The following ITSN2 variants were observed in gnomAD, a reference collection of about 807,000 sequenced individuals.
ITSN2 encodes intersectin 2.
In ITSN2, 156 loss-of-function variants were observed where a neutral mutation model predicts 243.7. That is an observed-to-expected ratio of 0.64 (90% CI 0.56 to 0.73). The LOEUF (loss-of-function observed/expected upper bound fraction) is 0.73, where lower values mean the gene tolerates loss of function less well. Among genes scored for constraint, ITSN2 ranks in the 30% least tolerant of loss-of-function variants. The pLI, the probability that ITSN2 is intolerant of heterozygous loss-of-function variation, is 0.00. For missense variants in ITSN2, 1,801 were observed against 1,996.1 expected (o/e 0.90, Z 1.86); for synonymous variants, 703 against 699.9 (o/e 1.00, Z -0.07).
At chr2:24,208,841 C>A (rs769702215) in intron 36 of ITSN2, among the ~76,000 whole-genome samples, 2 of 152,202 alleles carry the variant, frequency 1.3e-5, no homozygotes, top group African/African-American at 2.4e-5. Flanking sequence ...GGGACTGTAG[C>A]AGGGCCTCAG....
At chr2:24,223,438 G>T (rs1214921075) in intron 29 of ITSN2, among the ~76,000 whole-genome samples, 1 of 152,006 alleles carries the variant, frequency 6.6e-6, no homozygotes, top group African/African-American at 2.4e-5. Context: ...CAGCACTGTG[G>T]GAGGCTGAGG....
chr2:24,296,189 T>C (rs1680939172), intron 13 of ITSN2, among the ~76,000 whole-genome samples: 2 of 152,220 alleles, frequency 1.3e-5, no homozygotes, highest in South Asian at 4.1e-4. Flanking sequence ...GAACTTCTAT[T>C]TCTACCCTAA....
Position 24,204,629 on chromosome 2 carries a change from C to T in ITSN2, c.4763-211G>A, listed in dbSNP as rs756867028. On this transcript the variant is annotated intron_variant, in intron 38 of 39. Coordinates refer to ENST00000355123, the MANE Select transcript of ITSN2 (RefSeq NM_006277.3). This position sits in a 1 kb window ranked among gnomAD's most constrained non-coding sequence, Gnocchi z 5.1. The stretch of plus-strand genomic sequence containing the variant: ...ACAGCAGCATTAACTGGGGAGTGGC[C>T]GAGAGCTCCACCGCCAGGACCACTC... The T allele has an allele frequency of 3.8e-5, 25 of 652,720 alleles. No individual in the cohort carries two copies. In the African/African-American group the frequency reaches 4.3e-4, roughly 11 times the overall value. 40.4% of individuals were successfully genotyped at this position (652,720 alleles called of 1,614,324 possible).
intron 2 of ITSN2, among the ~76,000 whole-genome samples, chr2:24,324,119 C>G (rs934102259): frequency 1.1e-4 from 17 of 152,110 alleles, no homozygotes; most frequent in African/African-American, 4.1e-4. Context: ...GTAGTCCCAG[C>G]TACTCGGGAG....
intron 1 of ITSN2, among the ~76,000 whole-genome samples, chr2:24,331,829 G>C (rs1181360051): frequency 3.9e-5 from 6 of 152,160 alleles, no homozygotes; most frequent in African/African-American, 7.2e-5. Context: ...GGGTCGGCTG[G>C]GAAAAGTTGT....
chr2:24,307,608 T>C (rs1024348576), intron 8 of ITSN2, among the ~76,000 whole-genome samples: 2 of 152,240 alleles, frequency 1.3e-5, no homozygotes, highest in African/African-American at 4.8e-5. Context: ...GAATTTTGTA[T>C]GCATAATTCC....
intron 20 of ITSN2, among the ~76,000 whole-genome samples, chr2:24,262,875 T>A (rs529215028): frequency 6.6e-6 from 1 of 152,248 alleles, no homozygotes; most frequent in South Asian, 2.1e-4. Flanking sequence ...AAAAATTTAG[T>A]CATTCTAAAT....
chr2:24,221,406 C>T, intron 29 of ITSN2: 1 of 216,132 alleles, frequency 4.6e-6, no homozygotes, highest in Non-Finnish European at 9.1e-6. Context: ...ATGCTTCAGA[C>T]CACTCCAAAC....
intron 2 of ITSN2, among the ~76,000 whole-genome samples, chr2:24,316,442 C>T (rs1175509398): frequency 6.6e-6 from 1 of 152,036 alleles, no homozygotes; most frequent in African/African-American, 2.4e-5. Flanking sequence ...CACCACACAC[C>T]CGGCTAATTT....
chr2:24,357,495 G>A (rs951935199), intron 1 of ITSN2, among the ~76,000 whole-genome samples: 6 of 151,992 alleles, frequency 3.9e-5, no homozygotes, highest in African/African-American at 1.5e-4. Flanking sequence ...TGAGGGAAGG[G>A]GACTTAGAGG....
At chr2:24,277,432 A>G (rs546428712) in intron 17 of ITSN2, among the ~76,000 whole-genome samples, 98 of 152,360 alleles carry the variant, frequency 6.4e-4, no homozygotes, top group African/African-American at 2.1e-3. Flanking sequence ...TATGTCCAAC[A>G]TGTCTGAGCA....
intron 2 of ITSN2, among the ~76,000 whole-genome samples, chr2:24,323,300 A>G (rs1364431131): frequency 1.3e-5 from 2 of 152,216 alleles, no homozygotes; most frequent in Non-Finnish European, 2.9e-5. Context: ...ATTTAGTCAT[A>G]ATCACTAAAA....
chr2:24,309,182 G>A (rs888703020), intron 7 of ITSN2, among the ~76,000 whole-genome samples: 1 of 152,168 alleles, frequency 6.6e-6, no homozygotes, highest in African/African-American at 2.4e-5. Flanking sequence ...ATACTATAAT[G>A]GTGACTGCCT....
At chr2:24,209,738 A>C in intron 35 of ITSN2, 80 bp downstream of exon 35, 1 of 1,127,562 alleles carries the variant, frequency 8.9e-7, no homozygotes. Flanking sequence ...AGGCCAGCTC[A>C]GGGTCTGCCA....
intron 29 of ITSN2, among the ~76,000 whole-genome samples, chr2:24,223,545 C>T (rs541162767): frequency 5.3e-5 from 8 of 151,314 alleles, no homozygotes; most frequent in Non-Finnish European, 1.0e-4. Context: ...ATTAGCCAGG[C>T]GTGGTGGCAT....
chr2:24,236,732 T>C (rs1233807254), intron 29 of ITSN2, among the ~76,000 whole-genome samples: 1 of 150,676 alleles, frequency 6.6e-6, no homozygotes, highest in Admixed American at 6.6e-5. Context: ...TGCAGTGGTG[T>C]GATCTCAGCT....
intron 20 of ITSN2, 52 bp downstream of exon 20, chr2:24,270,619 T>C (rs1677219470): frequency 2.1e-5 from 17 of 820,106 alleles, no homozygotes; most frequent in Non-Finnish European, 3.5e-5. Flanking sequence ...GAAACTAATA[T>C]ATTACAATGT....
chr2:24,259,562 T>C (rs1480519520), intron 22 of ITSN2, among the ~76,000 whole-genome samples: 5 of 152,180 alleles, frequency 3.3e-5, no homozygotes, highest in Admixed American at 3.3e-4. Context: ...TCAACCTCTC[T>C]CTCCAACTTC....
intron 1 of ITSN2, among the ~76,000 whole-genome samples, chr2:24,344,511 C>T (rs1254670517): frequency 6.6e-6 from 1 of 152,128 alleles, no homozygotes; most frequent in Non-Finnish European, 1.5e-5. Flanking sequence ...TTAGGGAACT[C>T]AGCATTTTTC....
Sources: gnomAD v4.1 joint callset for allele counts (sites outside exome capture counted in the v4.1 genomes callset) on GRCh38, gnomAD v4.1.1 for gene constraint, Gnocchi (gnomAD v3.1) non-coding constraint, MANE v1.5 for transcripts, NCBI Gene and HGNC (gene_info 2026-07-23, HGNC 2026-07-21) for gene names.